Variants in MMP16 observed in about 807,000 individuals in gnomAD.
MMP16 encodes the protein matrix metalloproteinase-16.
Under a neutral mutation model 67.8 loss-of-function variants are expected in MMP16, and 12 were observed. That is an observed-to-expected ratio of 0.18 (90% CI 0.11 to 0.29). The LOEUF (loss-of-function observed/expected upper bound fraction) is 0.29. MMP16 is among the 10% of genes least tolerant of loss of function. MMP16 has a pLI of 1.00. For synonymous variants in MMP16, 249 were observed against 255.9 expected, an observed-to-expected ratio of 0.97 and a Z score of 0.26; for missense variants, 475 against 765.7, an observed-to-expected ratio of 0.62 and a Z score of 4.48.
chr8:88,240,439 G>A (rs1810016367), intron 1 of MMP16, among the ~76,000 whole-genome samples: 1 of 152,174 alleles, frequency 6.6e-6, no homozygotes, highest in East Asian at 1.9e-4. Flanking sequence ...AGTGTGTCAG[G>A]AGAGCAGCAA....
At chr8:88,095,841 A>G (rs1193892297) in intron 6 of MMP16, among the ~76,000 whole-genome samples, 1 of 151,888 alleles carries the variant, frequency 6.6e-6, no homozygotes, top group Non-Finnish European at 1.5e-5. Context: ...ATAAATAACT[A>G]TTTTCCACCT....
intron 6 of MMP16, among the ~76,000 whole-genome samples, chr8:88,082,423 C>A (rs1429532456): frequency 1.3e-5 from 2 of 151,956 alleles, no homozygotes; most frequent in Admixed American, 1.3e-4. Context: ...TCTGTCAATC[C>A]ACTTCAAATT....
intron 1 of MMP16, among the ~76,000 whole-genome samples, chr8:88,291,694 C>A (rs756428639): frequency 1.3e-5 from 2 of 151,954 alleles, no homozygotes; most frequent in Non-Finnish European, 2.9e-5. Context: ...AATACCAAGT[C>A]CCAAGCAAGG....
chr8:88,254,958 A>G (rs1368613303), intron 1 of MMP16, among the ~76,000 whole-genome samples: 1 of 152,242 alleles, frequency 6.6e-6, no homozygotes, highest in Non-Finnish European at 1.5e-5. Context: ...AACTATCTGT[A>G]TGTATTATCA....
intron 1 of MMP16, among the ~76,000 whole-genome samples, chr8:88,314,490 C>T (rs548004504): frequency 6.6e-6 from 1 of 152,252 alleles, no homozygotes; most frequent in East Asian, 1.9e-4. Flanking sequence ...TATCACTGAG[C>T]TTTGTTGTGA....
chr8:88,082,592 T>C (rs1808770624), intron 6 of MMP16, among the ~76,000 whole-genome samples: 1 of 152,138 alleles, frequency 6.6e-6, no homozygotes, highest in Non-Finnish European at 1.5e-5. Flanking sequence ...AATTTATCTA[T>C]ATTAACATTG....
intron 6 of MMP16, among the ~76,000 whole-genome samples, chr8:88,078,520 A>G (rs928123277): frequency 6.6e-6 from 1 of 152,164 alleles, no homozygotes; most frequent in Non-Finnish European, 1.5e-5. Context: ...TATGATGTTA[A>G]TGATCTACTA....
intron 1 of MMP16, among the ~76,000 whole-genome samples, chr8:88,236,051 A>G (rs917069645): frequency 1.3e-5 from 2 of 152,260 alleles, no homozygotes; most frequent in African/African-American, 4.8e-5. Flanking sequence ...AATAAAGTAA[A>G]CCACCAACTT....
At chr8:88,209,796 C>T (rs951715558) in intron 1 of MMP16, among the ~76,000 whole-genome samples, 1 of 152,142 alleles carries the variant, frequency 6.6e-6, no homozygotes, top group Non-Finnish European at 1.5e-5. Flanking sequence ...TAGAATGTAG[C>T]ATTTTTAAGA....
intron 7 of MMP16, among the ~76,000 whole-genome samples, chr8:88,071,876 GC>G (rs1360710442): frequency 1.3e-5 from 2 of 152,104 alleles, no homozygotes; most frequent in Admixed American, 1.3e-4. Flanking sequence ...GACCATATGG[GC>G]TGCAAAGCCT....
At chr8:88,290,330 A>C (rs1810906755) in intron 1 of MMP16, among the ~76,000 whole-genome samples, 1 of 152,072 alleles carries the variant, frequency 6.6e-6, no homozygotes, top group African/African-American at 2.4e-5. Context: ...AGGCGGGTGG[A>C]TCACGAGATC....
intron 1 of MMP16, among the ~76,000 whole-genome samples, chr8:88,219,725 T>C (rs938484611): frequency 1.3e-5 from 2 of 152,122 alleles, no homozygotes; most frequent in African/African-American, 4.8e-5. Context: ...TTCTGATCAG[T>C]ATGCATATTT....
chr8:88,059,460 A>G (rs1808369781), intron 7 of MMP16, among the ~76,000 whole-genome samples: 1 of 152,150 alleles, frequency 6.6e-6, no homozygotes, highest in African/African-American at 2.4e-5. Flanking sequence ...ATTTTCTACA[A>G]AGTCCAAATT....
At chr8:88,176,567 C>T (rs1378524683) in intron 3 of MMP16, among the ~76,000 whole-genome samples, 1 of 152,154 alleles carries the variant, frequency 6.6e-6, no homozygotes, top group South Asian at 2.1e-4. Context: ...AGTTCCATTA[C>T]TACTTATTGA....
At chr8:88,263,217 C>A (rs556931376) in intron 1 of MMP16, among the ~76,000 whole-genome samples, 1 of 151,990 alleles carries the variant, frequency 6.6e-6, no homozygotes, top group African/African-American at 2.4e-5. Context: ...TGCTCAAAAA[C>A]AAACATAACA....
chr8:88,205,880 ACTT>A (rs1372796538), intron 1 of MMP16, among the ~76,000 whole-genome samples: 11 of 152,136 alleles, frequency 7.2e-5, no homozygotes, highest in South Asian at 4.2e-4. Context: ...AGCATTCTTC[ACTT>A]CTTCTTTTTA....
At chr8:88,210,001 C>G (rs939405153) in intron 1 of MMP16, among the ~76,000 whole-genome samples, 1 of 152,046 alleles carries the variant, frequency 6.6e-6, no homozygotes, top group African/African-American at 2.4e-5. Flanking sequence ...ATAAAACAGA[C>G]CTCAGAGAGC....
intron 1 of MMP16, among the ~76,000 whole-genome samples, chr8:88,246,551 T>C (rs547229938): frequency 5.3e-5 from 8 of 152,292 alleles, no homozygotes; most frequent in African/African-American, 1.7e-4. Context: ...TACAAAAATA[T>C]ACCAAATGAT....
chr8:88,262,190 T>C (rs1216685391), intron 1 of MMP16, among the ~76,000 whole-genome samples: 1 of 152,238 alleles, frequency 6.6e-6, no homozygotes, highest in East Asian at 1.9e-4. Context: ...CCAGACTATG[T>C]GCAGCAGTGA....
Sources: allele counts gnomAD v4.1 joint callset (sites outside exome capture counted in the v4.1 genomes callset), GRCh38; gene constraint gnomAD v4.1.1; transcripts MANE v1.5; gene names NCBI Gene and HGNC (gene_info 2026-07-23, HGNC 2026-07-21).